SPSB4: variants seen among roughly 807,000 people sequenced by gnomAD.
The protein encoded by SPSB4 is splA/ryanodine receptor domain and SOCS box containing 4.
A neutral mutation model predicts 20.9 loss-of-function variants in SPSB4; 21 were observed. The ratio of observed to expected loss-of-function variants is 1.01; its 90% CI spans 0.71 to 1.45. The LOEUF (loss-of-function observed/expected upper bound fraction) is 1.45, where lower values mean the gene tolerates loss of function less well. SPSB4 is among the 40% of genes most tolerant of loss of function. The probability of loss-of-function intolerance (pLI) is 0.00; values close to 1 mark genes in which losing one functional copy is unlikely to be tolerated. For synonymous variants in SPSB4, 207 were observed against 183.8 expected, an observed-to-expected ratio of 1.13 and a Z score of -1.02; for missense variants, 399 against 399.2, an observed-to-expected ratio of 1.00 and a Z score of 0.00.
chr3:141,134,948 A>C (rs550982832), intron 2 of SPSB4, among the ~76,000 whole-genome samples: 2 of 152,108 alleles, frequency 1.3e-5, no homozygotes, highest in East Asian at 3.9e-4. Context: ...TACACTGCAA[A>C]AGATATATAA....
At chr3:141,127,702 T>C (rs758719619) in intron 2 of SPSB4, among the ~76,000 whole-genome samples, 1 of 152,162 alleles carries the variant, frequency 6.6e-6, no homozygotes, top group Non-Finnish European at 1.5e-5. Context: ...CGCCAAGCCA[T>C]TTGCCACTCT....
At chr3:141,094,577 C>G (rs1439723866) in intron 2 of SPSB4, among the ~76,000 whole-genome samples, 1 of 152,072 alleles carries the variant, frequency 6.6e-6, no homozygotes, top group Non-Finnish European at 1.5e-5. Flanking sequence ...TTAATGACGA[C>G]CTGAAGAGAA....
chr3:141,070,497 A>G (rs1937980883), intron 2 of SPSB4, among the ~76,000 whole-genome samples: 1 of 152,110 alleles, frequency 6.6e-6, no homozygotes, highest in Non-Finnish European at 1.5e-5. Context: ...CTCCTGGCAT[A>G]TATATAAATA....
chr3:141,124,786 C>T (rs1295188999), intron 2 of SPSB4, among the ~76,000 whole-genome samples: 1 of 152,080 alleles, frequency 6.6e-6, no homozygotes, highest in Non-Finnish European at 1.5e-5. Context: ...CTTGGTTTCA[C>T]TGCGGAGAGT....
At chr3:141,138,948 C>T (rs1384665023) in intron 2 of SPSB4, among the ~76,000 whole-genome samples, 1 of 152,110 alleles carries the variant, frequency 6.6e-6, no homozygotes, top group Non-Finnish European at 1.5e-5. Context: ...TAAAGTCTCC[C>T]ATTATTATTG....
intron 1 of SPSB4, among the ~76,000 whole-genome samples, chr3:141,052,468 T>C (rs1173028044): frequency 6.6e-6 from 1 of 152,180 alleles, no homozygotes. Flanking sequence ...CTAGTATTAT[T>C]ATTAGCTTTG....
chr3:141,111,949 C>T (rs1467773901), intron 2 of SPSB4, among the ~76,000 whole-genome samples: 1 of 152,188 alleles, frequency 6.6e-6, no homozygotes, highest in Non-Finnish European at 1.5e-5. Context: ...CCACTCTGAG[C>T]AGCTTCCCGT....
intron 2 of SPSB4, among the ~76,000 whole-genome samples, chr3:141,129,522 T>A (rs1014059208): frequency 2.0e-5 from 3 of 152,234 alleles, no homozygotes; most frequent in Non-Finnish European, 4.4e-5. Context: ...TCCTGGAATT[T>A]ACCATAATGT....
chr3:141,119,976 T>G (rs552356171), intron 2 of SPSB4, among the ~76,000 whole-genome samples: 17 of 152,218 alleles, frequency 1.1e-4, no homozygotes, highest in Non-Finnish European at 2.5e-4. Context: ...TTGGTTGCTC[T>G]TGCCTCTCTA....
At chr3:141,095,594 G>A (rs1047301118) in intron 2 of SPSB4, among the ~76,000 whole-genome samples, 1 of 152,078 alleles carries the variant, frequency 6.6e-6, no homozygotes, top group Middle Eastern at 3.2e-3. Context: ...CTGTGAGAAG[G>A]ATGGATGAGG....
At chr3:141,109,410 C>T (rs1327121140) in intron 2 of SPSB4, among the ~76,000 whole-genome samples, 4 of 152,076 alleles carry the variant, frequency 2.6e-5, no homozygotes, top group African/African-American at 9.7e-5. Context: ...TGGGGAGCAG[C>T]TCCAGCTCAC....
chr3:141,134,035 CTT>C (rs1348749217), intron 2 of SPSB4, among the ~76,000 whole-genome samples: 3 of 46,764 alleles, frequency 6.4e-5, no homozygotes, highest in African/African-American at 3.0e-4. Context: ...TTTTTCTTTT[CTT>C]TTTTTTTTTT....
At chr3:141,124,412 C>T (rs1045374612) in intron 2 of SPSB4, among the ~76,000 whole-genome samples, 1 of 152,160 alleles carries the variant, frequency 6.6e-6, no homozygotes, top group African/African-American at 2.4e-5. Context: ...AAACCAGGAT[C>T]GTCTCATAAA....
At chr3:141,107,386 GAA>G (rs773766740) in intron 2 of SPSB4, among the ~76,000 whole-genome samples, 6 of 150,794 alleles carry the variant, frequency 4.0e-5, no homozygotes, top group African/African-American at 1.5e-4. Flanking sequence ...AAAGGCTTAG[GAA>G]AAAAATAAAT....
At chr3:141,052,143 G>T (rs1037855885) in intron 1 of SPSB4, among the ~76,000 whole-genome samples, 151 bp downstream of exon 1, 1 of 152,218 alleles carries the variant, frequency 6.6e-6, no homozygotes, top group African/African-American at 2.4e-5. Flanking sequence ...GTGGCAGTTC[G>T]AGATGGTTGA....
intron 2 of SPSB4, among the ~76,000 whole-genome samples, chr3:141,145,553 G>A (rs1422502471): frequency 1.3e-5 from 2 of 152,158 alleles, no homozygotes; most frequent in African/African-American, 4.8e-5. Flanking sequence ...GCCTTTCTCT[G>A]TGGTACTATT....
chr3:141,122,215 A>G (rs184526281), intron 2 of SPSB4, among the ~76,000 whole-genome samples: 2 of 152,320 alleles, frequency 1.3e-5, no homozygotes, highest in East Asian at 3.9e-4. Flanking sequence ...GGTCTACTCC[A>G]GACCCTGTTT....
intron 2 of SPSB4, among the ~76,000 whole-genome samples, chr3:141,135,554 C>T (rs551045865): frequency 4.1e-4 from 62 of 150,822 alleles, no homozygotes; most frequent in Non-Finnish European, 8.3e-4. Flanking sequence ...CATGTGTTCT[C>T]ATTGTTCAAT....
At position 141,099,309 on chromosome 3, in the gene SPSB4, C is replaced by T. The variant is rs546323356; in HGVS notation, c.694+32511C>T. On this transcript the variant is annotated intron_variant, in intron 2 of 2. Coordinates refer to ENST00000310546, the MANE Select transcript of SPSB4 (RefSeq NM_080862.3). ...ACGCCATTCTCCTGCCTCAGCCTCC[C>T]GTGTAGCTGGGACTACAGGCGCATG... is the stretch of plus-strand genomic sequence containing the variant. 3.3e-3 allele frequency among the ~76,000 whole-genome samples: 506 copies of T among 152,040 alleles called. 3 individuals are homozygous for T. Among genetic ancestry groups the T allele is most frequent in the African/African-American group, 0.012 (489 of 41,478 alleles).
Sources: gnomAD v4.1 joint callset for allele counts (sites outside exome capture counted in the v4.1 genomes callset) on GRCh38, gnomAD v4.1.1 for gene constraint, MANE v1.5 for transcripts, NCBI Gene and HGNC (gene_info 2026-07-23, HGNC 2026-07-21) for gene names.